Variants in SLC25A24 observed in about 807,000 individuals in gnomAD.
SLC25A24 encodes the protein mitochondrial adenyl nucleotide antiporter SLC25A24.
Under a neutral mutation model 60.7 loss-of-function variants are expected in SLC25A24, and 49 were observed. The observed-to-expected ratio is 0.81, with a 90% CI of 0.64 to 1.02. The LOEUF (loss-of-function observed/expected upper bound fraction) is 1.02. SLC25A24 is among the 50% of genes least tolerant of loss of function. The probability of loss-of-function intolerance (pLI) is 0.00; values close to 1 mark genes in which losing one functional copy is unlikely to be tolerated. For missense variants in SLC25A24, 564 were observed against 586.3 expected (o/e 0.96, Z 0.39); for synonymous variants, 202 against 200.6 (o/e 1.01, Z -0.06).
intron 8 of SLC25A24, among the ~76,000 whole-genome samples, chr1:108,141,473 A>T (rs1217413563): frequency 6.6e-6 from 1 of 152,176 alleles, no homozygotes; most frequent in African/African-American, 2.4e-5. Flanking sequence ...TCAAAAACTT[A>T]AAAATAGAAT....
intron 3 of SLC25A24, among the ~76,000 whole-genome samples, chr1:108,172,145 G>A (rs1292700515): frequency 6.6e-6 from 1 of 152,194 alleles, no homozygotes; most frequent in Middle Eastern, 3.2e-3. Context: ...GAGAGCAGAA[G>A]ATAATTATGA....
Position 108,143,560 on chromosome 1 carries a change from C to A in SLC25A24, c.1081G>T (p.Asp361Tyr). The change falls in exon 8 of 10, where the codon GAT becomes TAT. Residue 361 changes from aspartate (D) to tyrosine (Y), a missense_variant. Transcript: ENST00000565488. ...AAACTCACCTCATACACAGCAAGATCTATGCCTGCATAAGGTATGATACCT... is the reference window on the plus strand; with the variant it reads ...AAACTCACCTCATACACAGCAAGATATATGCCTGCATAAGGTATGATACCT... Reference protein sequence around the residue: ...LLGIIPYAGIDLAVYELLKSY... With the variant: ...LLGIIPYAGIYLAVYELLKSY... 1 of 1,612,718 alleles carries A rather than the reference C, an allele frequency of 6.2e-7. No individual in the cohort carries two copies. The highest frequency in any genetic ancestry group is 1.7e-4 in the Middle Eastern group (1 of 6,050).
At chr1:108,142,300 G>A (rs1032420466) in intron 8 of SLC25A24, among the ~76,000 whole-genome samples, 3 of 152,106 alleles carry the variant, frequency 2.0e-5, no homozygotes, top group African/African-American at 7.2e-5. Context: ...GCATAGACTC[G>A]AACAGATACG....
intron 4 of SLC25A24, among the ~76,000 whole-genome samples, chr1:108,160,970 G>GGGGAGAGAGA (rs1041790498): frequency 2.6e-5 from 4 of 152,032 alleles, no homozygotes; most frequent in Admixed American, 2.0e-4. Context: ...CCGTGGGGAG[G>GGGGAGAGAGA]GGGAGAGAGA....
At chr1:108,145,500 G>C (rs1228365568) in intron 7 of SLC25A24, among the ~76,000 whole-genome samples, 2 of 152,108 alleles carry the variant, frequency 1.3e-5, no homozygotes, top group Non-Finnish European at 2.9e-5. Flanking sequence ...CCTGTGTCCT[G>C]AATGGTATTG....
intron 1 of SLC25A24, among the ~76,000 whole-genome samples, chr1:108,196,654 G>A (rs192060634): frequency 6.6e-6 from 1 of 152,292 alleles, no homozygotes; most frequent in African/African-American, 2.4e-5. Flanking sequence ...GTCCTAGATC[G>A]AAGTGCTAGG....
At chr1:108,139,318 C>T (rs756694371) in intron 8 of SLC25A24, 110 bp from the exon 9 acceptor site, 85 of 1,160,830 alleles carry the variant, frequency 7.3e-5, no homozygotes, top group Non-Finnish European at 8.6e-5. Flanking sequence ...CAGGATGAGG[C>T]CACGCATTTG....
chr1:108,146,400 G>A (rs974048429), intron 7 of SLC25A24, among the ~76,000 whole-genome samples: 24 of 152,132 alleles, frequency 1.6e-4, no homozygotes, highest in African/African-American at 4.6e-4. Context: ...ATCTGAATAC[G>A]CTTTATTTCT....
chr1:108,143,899 C>T (rs912184379), intron 7 of SLC25A24, among the ~76,000 whole-genome samples, 189 bp from the exon 8 acceptor site: 2 of 152,102 alleles, frequency 1.3e-5, no homozygotes, highest in Admixed American at 6.5e-5. Flanking sequence ...CAGAGAGACC[C>T]GTTTACTGCA....
intron 1 of SLC25A24, among the ~76,000 whole-genome samples, chr1:108,193,748 T>C (rs760098420): frequency 1.4e-5 from 2 of 140,152 alleles, no homozygotes; most frequent in Non-Finnish European, 3.1e-5. Context: ...ATCCAACCAC[T>C]ACAATGGCTC....
intron 6 of SLC25A24, among the ~76,000 whole-genome samples, chr1:108,153,015 TG>T (rs1421161906): frequency 6.6e-6 from 1 of 152,006 alleles, no homozygotes; most frequent in Non-Finnish European, 1.5e-5. Context: ...CCATGCATGG[TG>T]GCCATATTGA....
chr1:108,148,480 G>A, intron 6 of SLC25A24, 94 bp from the exon 7 acceptor site: 2 of 752,732 alleles, frequency 2.7e-6, no homozygotes, highest in Non-Finnish European at 2.4e-6. Context: ...AACCTCCCAT[G>A]TGATGGTATT....
At chr1:108,142,420 C>T (rs953245111) in intron 8 of SLC25A24, among the ~76,000 whole-genome samples, 6 of 152,132 alleles carry the variant, frequency 3.9e-5, no homozygotes, top group African/African-American at 7.2e-5. Flanking sequence ...ATACACATAA[C>T]GGAATATTAC....
At chr1:108,198,382 A>G (rs748627036) in intron 1 of SLC25A24, 2 of 152,222 alleles carry the variant, frequency 1.3e-5, no homozygotes, top group Non-Finnish European at 2.9e-5. Context: ...GGCAATACGT[A>G]TCCCAGTTTA....
At position 108,185,311 on chromosome 1, in the gene SLC25A24, G is replaced by A. The variant is rs74112058; in HGVS notation, c.310+517C>T. Among the ~76,000 whole-genome samples the A allele has an allele frequency of 4.3e-3, 659 of 152,084 alleles. 4 individuals are homozygous for A. Among genetic ancestry groups the A allele is most frequent in the African/African-American group, 0.015 (611 of 41,494 alleles). Reference sequence around the variant, plus strand: ...TAGAAGTCATAATCTTAACCAGAAGGTACACACTTAAACGTTTATATGCTA... The same window carrying A: ...TAGAAGTCATAATCTTAACCAGAAGATACACACTTAAACGTTTATATGCTA... On this transcript the variant is annotated intron_variant, in intron 2 of 9. Coordinates refer to ENST00000565488, the MANE Select transcript of SLC25A24 (RefSeq NM_013386.5).
At chr1:108,152,374 ATTTT>A (rs536570670) in intron 6 of SLC25A24, among the ~76,000 whole-genome samples, 4 of 149,702 alleles carry the variant, frequency 2.7e-5, no homozygotes, top group African/African-American at 7.4e-5. Flanking sequence ...TTATTTATTT[ATTTT>A]TTTTTTGAGA....
intron 3 of SLC25A24, among the ~76,000 whole-genome samples, chr1:108,170,700 AAT>A (rs1647432446): frequency 6.6e-6 from 1 of 151,988 alleles, no homozygotes; most frequent in Admixed American, 6.6e-5. Context: ...ATCTATTATT[AAT>A]AGATTATTAA....
intron 3 of SLC25A24, among the ~76,000 whole-genome samples, chr1:108,175,665 G>A (rs1284864917): frequency 6.6e-6 from 1 of 151,882 alleles, no homozygotes; most frequent in Non-Finnish European, 1.5e-5. Context: ...ACTCCAGATG[G>A]GATGACAGAG....
At chr1:108,155,978 C>T (rs945061296) in intron 5 of SLC25A24, among the ~76,000 whole-genome samples, 5 of 151,928 alleles carry the variant, frequency 3.3e-5, no homozygotes, top group Non-Finnish European at 7.4e-5. Context: ...CACACACACA[C>T]ACACACTCAC....
Sources: gnomAD v4.1 joint callset for allele counts (sites outside exome capture counted in the v4.1 genomes callset) on GRCh38, gnomAD v4.1.1 for gene constraint, MANE v1.5 for transcripts, NCBI Gene and HGNC (gene_info 2026-07-23, HGNC 2026-07-21) for gene names.